LRRK2: variants seen among roughly 807,000 people sequenced by gnomAD.
LRRK2 encodes leucine rich repeat kinase 2.
LRRK2 carries 203 observed loss-of-function variants against 302.6 expected under a neutral mutation model. The observed-to-expected ratio is 0.67, with a 90% CI of 0.60 to 0.75. The LOEUF is 0.75. Among genes scored for constraint, LRRK2 ranks in the 30% least tolerant of loss-of-function variants. LRRK2 has a pLI of 0.00. For synonymous variants in LRRK2, 1,066 were observed against 1,031.9 expected (o/e 1.03, Z -0.63); for missense variants, 2,830 against 2,951.0 (o/e 0.96, Z 0.95).
chr12:40,319,242 C>T (rs1945325280), intron 33 of LRRK2, among the ~76,000 whole-genome samples: 1 of 152,086 alleles, frequency 6.6e-6, no homozygotes, highest in African/African-American at 2.4e-5. Context: ...CAATCTAAGA[C>T]AGTCACTTTT....
At chr12:40,237,608 G>C (rs543604419) in intron 4 of LRRK2, among the ~76,000 whole-genome samples, 1 of 152,234 alleles carries the variant, frequency 6.6e-6, no homozygotes, top group South Asian at 2.1e-4. Context: ...ATGAAGACAG[G>C]GAACAGGAGT....
intron 27 of LRRK2, 146 bp downstream of exon 27, chr12:40,304,280 C>A: frequency 1.4e-6 from 1 of 716,080 alleles, no homozygotes; most frequent in Admixed American, 3.1e-5. Flanking sequence ...AACTATAAAT[C>A]CAGATTTCCA....
rs1945832593 is a variant in LRRK2 at position 40,335,216 on chromosome 12, T to G, written c.5948+59T>G. The G allele has an allele frequency of 1.9e-6, 3 of 1,581,564 alleles. No homozygotes were observed. In the Admixed American group the frequency reaches 5.1e-5, roughly 27 times the overall value. ...TGACAAGTGTGATCCAGACTTGCTC[T>G]CAGGTTCTGAGAACACTTCCCAGTA... On this transcript the variant is annotated intron_variant, in intron 40 of 50. Transcript: ENST00000298910.
chr12:40,232,697 C>A, intron 3 of LRRK2: 1 of 206,452 alleles, frequency 4.8e-6, no homozygotes, highest in Non-Finnish European at 9.8e-6. Context: ...GAGATTTTGG[C>A]TTTTAATAAT....
intron 47 of LRRK2, among the ~76,000 whole-genome samples, chr12:40,362,829 G>A (rs1946755238): frequency 6.6e-6 from 1 of 152,018 alleles, no homozygotes; most frequent in South Asian, 2.1e-4. Context: ...TTTAAAAGGG[G>A]AAAATGGCAA....
chr12:40,298,421 A>G lies in LRRK2; in HGVS notation c.3275A>G (p.Tyr1092Cys). 1 of 1,613,964 alleles carries G rather than the reference A, an allele frequency of 6.2e-7. No individual in the cohort carries two copies. The highest frequency in any genetic ancestry group is 1.1e-5 in the South Asian group (1 of 91,078). The change falls in exon 24 of 51, where the codon TAT becomes TGT. Residue 1092 changes from tyrosine (Y) to cysteine (C), a missense_variant. By Grantham distance (194) the Tyr-to-Cys change is radical. Around this residue, in one of 3 missense-constraint regions of LRRK2, gnomAD observed 2,121 missense variants for 2,148.0 expected, o/e 0.99. Coordinates refer to ENST00000298910, the MANE Select transcript of LRRK2 (RefSeq NM_198578.4). Reference sequence around the variant, plus strand: ...ACTCTGAAACAGTTTAACCTGTCATATAACCAGCTGTCTTTTGTACCTGAG... The same window carrying G: ...ACTCTGAAACAGTTTAACCTGTCATGTAACCAGCTGTCTTTTGTACCTGAG... ...CPTLKQFNLS[Y>C]NQLSFVPENL...
rs201649728 is a variant in LRRK2 at position 40,287,315 on chromosome 12, T to C, written c.2501-36T>C. The stretch of plus-strand genomic sequence containing the variant: ...TGTATGTTTATTTTTGCATAATTGT[T>C]GATTTCTAAGTTGCTGGTGTATCTC... On this transcript the variant is annotated intron_variant, in intron 19 of 50. Coordinates refer to ENST00000298910, the MANE Select transcript of LRRK2 (RefSeq NM_198578.4). 8.2e-6 allele frequency: 13 copies of C among 1,583,856 alleles called. No individual in the cohort carries two copies. The South Asian group carries it at 1.3e-4, about 16-fold the overall frequency.
intron 26 of LRRK2, among the ~76,000 whole-genome samples, 170 bp downstream of exon 26, chr12:40,303,052 AAAATGG>A (rs1345805111): frequency 6.6e-6 from 1 of 152,158 alleles, no homozygotes; most frequent in African/African-American, 2.4e-5. Flanking sequence ...CTCATTACTT[AAAATGG>A]AAACTTTTAT....
chr12:40,346,706 G>A (rs937382686), intron 41 of LRRK2, 47 bp from the exon 42 acceptor site: 6 of 1,574,764 alleles, frequency 3.8e-6, no homozygotes, highest in Non-Finnish European at 4.4e-6. Context: ...TTGGATGTAT[G>A]AGCCCTGATG....
chr12:40,263,465 A>G (rs1942866554), intron 13 of LRRK2, among the ~76,000 whole-genome samples: 1 of 152,172 alleles, frequency 6.6e-6, no homozygotes, highest in African/African-American at 2.4e-5. Flanking sequence ...TTGCATAAAA[A>G]TCTTCCAGCA....
At chr12:40,236,055 C>G (rs1356127664) in intron 4 of LRRK2, among the ~76,000 whole-genome samples, 4 of 152,080 alleles carry the variant, frequency 2.6e-5, no homozygotes, top group African/African-American at 4.8e-5. Flanking sequence ...CCGATGTTTG[C>G]TCCCAAAATC....
intron 11 of LRRK2, among the ~76,000 whole-genome samples, chr12:40,254,244 T>C (rs549178700): frequency 7.2e-5 from 11 of 152,272 alleles, no homozygotes; most frequent in Middle Eastern, 3.4e-3. Flanking sequence ...CAGCTTTTAA[T>C]AGAGAAACTG....
chr12:40,277,674 C>A (rs1943517275), intron 16 of LRRK2, among the ~76,000 whole-genome samples: 1 of 152,038 alleles, frequency 6.6e-6, no homozygotes, highest in Admixed American at 6.6e-5. Flanking sequence ...TGTTAACTAG[C>A]ATTTTATTCT....
intron 14 of LRRK2, among the ~76,000 whole-genome samples, chr12:40,266,334 G>T (rs1397474397): frequency 6.6e-6 from 1 of 152,150 alleles, no homozygotes; most frequent in Admixed American, 6.5e-5. Context: ...ATCAAAAAGT[G>T]GGCAAAGGAT....
At chr12:40,365,395 C>T (rs1946845329) in intron 49 of LRRK2, 1 of 212,770 alleles carries the variant, frequency 4.7e-6, no homozygotes, top group Admixed American at 5.4e-5. Flanking sequence ...TTGTTTTAAT[C>T]ATAGTCTAGC....
At chr12:40,344,713 T>C (rs1946142638) in intron 41 of LRRK2, among the ~76,000 whole-genome samples, 1 of 152,208 alleles carries the variant, frequency 6.6e-6, no homozygotes, top group African/African-American at 2.4e-5. Flanking sequence ...ATGTTTTATC[T>C]TAATTACACA....
chr12:40,231,826 T>C (rs1941212254), intron 2 of LRRK2, among the ~76,000 whole-genome samples: 2 of 149,148 alleles, frequency 1.3e-5, no homozygotes, highest in South Asian at 4.2e-4. Context: ...ATATTTGAAA[T>C]GGATTCTTGC....
intron 14 of LRRK2, among the ~76,000 whole-genome samples, chr12:40,267,919 A>G (rs1943089499): frequency 6.6e-6 from 1 of 152,204 alleles, no homozygotes; most frequent in South Asian, 2.1e-4. Context: ...TTACATTTTA[A>G]TACATCTAAA....
intron 10 of LRRK2, 74 bp downstream of exon 10, chr12:40,251,618 C>A: frequency 1.6e-6 from 2 of 1,243,146 alleles, no homozygotes; most frequent in Non-Finnish European, 2.3e-6. Flanking sequence ...ATACCTTAAC[C>A]GTAACTTTTA....
Sources: gnomAD v4.1 joint callset for allele counts (sites outside exome capture counted in the v4.1 genomes callset) on GRCh38, gnomAD v4.1.1 for gene constraint, gnomAD v4.1.1 regional missense constraint, MANE v1.5 for transcripts, NCBI Gene and HGNC (gene_info 2026-07-23, HGNC 2026-07-21) for gene names.